The following ATP6V0A1 variants were observed in gnomAD, a reference collection of about 807,000 sequenced individuals.
The protein encoded by ATP6V0A1 is ATPase H+ transporting V0 subunit a1.
ATP6V0A1 carries 43 observed loss-of-function variants against 105.4 expected under a neutral mutation model. The ratio of observed to expected loss-of-function variants is 0.41; its 90% CI spans 0.32 to 0.53. The LOEUF is 0.53. ATP6V0A1 is among the 20% of genes least tolerant of loss of function. The pLI, the probability that ATP6V0A1 is intolerant of heterozygous loss-of-function variation, is 0.30. For synonymous variants in ATP6V0A1, 362 were observed against 372.8 expected (o/e 0.97, Z 0.33); for missense variants, 676 against 1,051.1 (o/e 0.64, Z 4.93).
intron 5 of ATP6V0A1, among the ~76,000 whole-genome samples, chr17:42,472,542 G>A (rs1474372573): frequency 3.3e-4 from 3 of 8,982 alleles, no homozygotes; most frequent in African/African-American, 9.3e-4. Context: ...GACCAACATG[G>A]TGAAACCCCG....
intron 14 of ATP6V0A1, chr17:42,495,932 C>T (rs780329555): frequency 2.1e-5 from 9 of 425,004 alleles, no homozygotes; most frequent in South Asian, 4.8e-5. Context: ...ATTAGCCGGG[C>T]GTGGTGGCGC....
intron 7 of ATP6V0A1, among the ~76,000 whole-genome samples, chr17:42,479,731 C>T (rs1416176216): frequency 1.3e-5 from 2 of 152,108 alleles, no homozygotes; most frequent in East Asian, 3.8e-4. Flanking sequence ...AACCCCCTGC[C>T]TAGGGGTGTA....
chr17:42,520,270 C>CAGCT (rs2092784973), intron 21 of ATP6V0A1: 2 of 359,844 alleles, frequency 5.6e-6, no homozygotes, highest in South Asian at 2.1e-5. Context: ...GGTTGCTGGG[C>CAGCT]AGCTGTCCAG....
intron 7 of ATP6V0A1, chr17:42,479,076 T>G (rs1357389060): frequency 6.6e-6 from 1 of 152,270 alleles, no homozygotes; most frequent in Non-Finnish European, 1.5e-5. Context: ...CTGGCTAATT[T>G]TTTCTGTATT....
intron 5 of ATP6V0A1, 165 bp from the exon 6 acceptor site, chr17:42,477,492 ATTC>A (rs2088905983): frequency 1.7e-6 from 1 of 579,084 alleles, no homozygotes. Flanking sequence ...TTCATCCCCT[ATTC>A]TTCTTGTCTT....
intron 14 of ATP6V0A1, chr17:42,496,094 G>C (rs75991930): frequency 0.046 from 7,273 of 157,140 alleles, 240 homozygotes; most frequent in Middle Eastern, 0.087. Flanking sequence ...AAGAAAGAAA[G>C]AAACAAACAA....
intron 21 of ATP6V0A1, among the ~76,000 whole-genome samples, chr17:42,515,523 C>A (rs1434727115): frequency 6.8e-6 from 1 of 146,170 alleles, no homozygotes; most frequent in African/African-American, 2.6e-5. Context: ...CGGTGGTTCA[C>A]TCCTGTAATC....
At chr17:42,470,338 C>A (rs1036669068) in intron 5 of ATP6V0A1, 120 bp downstream of exon 5, 1 of 1,244,830 alleles carries the variant, frequency 8.0e-7, no homozygotes, top group Non-Finnish European at 1.1e-6. Context: ...CATTTTTGCA[C>A]CCTGTTTTAG....
At chr17:42,486,101 G>A (rs576880818) in intron 9 of ATP6V0A1, among the ~76,000 whole-genome samples, 2 of 152,136 alleles carry the variant, frequency 1.3e-5, no homozygotes, top group Non-Finnish European at 2.9e-5. Flanking sequence ...AACAGGCTTA[G>A]CCACACCTGC....
intron 21 of ATP6V0A1, among the ~76,000 whole-genome samples, chr17:42,517,517 T>G (rs1014424615): frequency 5.3e-5 from 8 of 152,188 alleles, no homozygotes; most frequent in African/African-American, 1.9e-4. Flanking sequence ...GAAAAAACAG[T>G]GCAAACCTCC....
intron 11 of ATP6V0A1, among the ~76,000 whole-genome samples, 154 bp downstream of exon 11, chr17:42,490,791 A>T (rs1199534954): frequency 6.6e-6 from 1 of 152,062 alleles, no homozygotes; most frequent in Non-Finnish European, 1.5e-5. Flanking sequence ...TGGCCTCAAG[A>T]GATCCTCCCA....
intron 15 of ATP6V0A1, 103 bp from the exon 16 acceptor site, chr17:42,500,604 A>C (rs907903706): frequency 9.0e-6 from 8 of 888,458 alleles, no homozygotes; most frequent in Non-Finnish European, 1.4e-5. Flanking sequence ...TAAAGACAGA[A>C]TTGAGGGGGT....
intron 18 of ATP6V0A1, 67 bp from the exon 19 acceptor site, chr17:42,508,505 T>G: frequency 1.8e-5 from 28 of 1,597,092 alleles, no homozygotes; most frequent in Non-Finnish European, 2.0e-5. Flanking sequence ...TCAGTAGCCT[T>G]GTGCTCCTAA....
chr17:42,474,569 C>T (rs2088474628), intron 5 of ATP6V0A1, among the ~76,000 whole-genome samples: 1 of 152,232 alleles, frequency 6.6e-6, no homozygotes, highest in Non-Finnish European at 1.5e-5. Flanking sequence ...ACTGCCACAA[C>T]TTTGCATCTG....
intron 20 of ATP6V0A1, 53 bp downstream of exon 20, chr17:42,514,031 A>G (rs1331775341): frequency 1.3e-6 from 2 of 1,554,140 alleles, no homozygotes; most frequent in Admixed American, 1.7e-5. Context: ...CTGTGGGCGC[A>G]CTGTCAGTTG....
At chr17:42,484,792 AGAATTGTCAG>A (rs1002026023) in intron 9 of ATP6V0A1, among the ~76,000 whole-genome samples, 14 of 152,224 alleles carry the variant, frequency 9.2e-5, no homozygotes, top group South Asian at 4.1e-4. Context: ...TGGCAGTGGC[AGAATTGTCAG>A]GAATTGTCAG....
At chr17:42,519,785 C>T (rs2092764404) in intron 21 of ATP6V0A1, 1 of 152,234 alleles carries the variant, frequency 6.6e-6, no homozygotes, top group South Asian at 2.1e-4. Context: ...CTTGGCCCAC[C>T]CCTGTGGAAT....
At chr17:42,483,605 G>A (rs2089786971) in intron 9 of ATP6V0A1, among the ~76,000 whole-genome samples, 1 of 151,858 alleles carries the variant, frequency 6.6e-6, no homozygotes, top group Non-Finnish European at 1.5e-5. Flanking sequence ...TTTTTGAGAT[G>A]GAGTCTTGCT....
chr17:42,470,748 T>C (rs2087783457), intron 5 of ATP6V0A1: 1 of 154,758 alleles, frequency 6.5e-6, no homozygotes, highest in South Asian at 2.0e-4. Flanking sequence ...GGTAGGATGC[T>C]TGTTTGAAAC....
Sources: allele counts gnomAD v4.1 joint callset (sites outside exome capture counted in the v4.1 genomes callset), GRCh38; gene constraint gnomAD v4.1.1; transcripts MANE v1.5; gene names NCBI Gene and HGNC (gene_info 2026-07-23, HGNC 2026-07-21).